PLCE1: variants seen among roughly 807,000 people sequenced by gnomAD.
The protein encoded by PLCE1 is 1-phosphatidylinositol 4,5-bisphosphate phosphodiesterase epsilon-1.
In PLCE1, 119 loss-of-function variants were observed where a neutral mutation model predicts 242.8. That is an observed-to-expected ratio of 0.49 (90% CI 0.42 to 0.57). The LOEUF (loss-of-function observed/expected upper bound fraction) is 0.57. Ranked by LOEUF, PLCE1 falls within the 20% of genes least tolerant of loss-of-function variation. The pLI is 0.00. For synonymous variants in PLCE1, 945 were observed against 1,017.4 expected (o/e 0.93, Z 1.35); for missense variants, 2,441 against 2,788.8 (o/e 0.88, Z 2.81).
rs71031568 is a variant in PLCE1, at chr10:94,297,590, TAAAAAAAAA to T, written c.5168-760_5168-752del. Among the ~76,000 whole-genome samples, 65 of 56,570 alleles carry T rather than the reference TAAAAAAAAA, an allele frequency of 1.1e-3. 1 individual carries two copies. Among genetic ancestry groups the T allele is most frequent in the South Asian group, 6.2e-3 (6 of 962 alleles). The allele number at this position is 56,570 out of a possible 152,430, so 37.1% of individuals were successfully genotyped here. On this transcript the variant is annotated intron_variant, in intron 23 of 32. Transcript: ENST00000371380. ...AGGCCTGCCCCAAACTTTAAATTTG[TAAAAAAAAA>T]AAAAAAAAAAAAAAAAAAAAAAAAA...
chr10:94,246,136 G>T lies in PLCE1; in HGVS notation c.2611G>T (p.Asp871Tyr). Residue 871 changes from aspartate (D) to tyrosine (Y), a missense_variant, in exon 8 of 33, where the codon GAC becomes TAC. By Grantham distance (160) the Asp-to-Tyr change is radical. Around this residue, in one of 5 missense-constraint regions of PLCE1, gnomAD observed 733 missense variants for 754.2 expected, o/e 0.97. Transcript: ENST00000371380. ...GCAGGGGGCCACGGTCATCCACTAC[G>T]ACCAGGACACACACCTCTCTGCCCG... is the stretch of plus-strand genomic sequence containing the variant. ...LLQGATVIHYDQDTHLSARCF... is the reference protein window; with the variant it reads ...LLQGATVIHYYQDTHLSARCF... The T allele has an allele frequency of 6.2e-7, 1 of 1,614,038 alleles. No homozygotes were observed.
chr10:94,068,882 A>G (rs904278618), intron 2 of PLCE1, among the ~76,000 whole-genome samples: 2 of 152,206 alleles, frequency 1.3e-5, no homozygotes, highest in Non-Finnish European at 2.9e-5. Context: ...TTACATGCCT[A>G]TCTTCCTCTA....
rs1045456355 is a variant in PLCE1, at chr10:93,994,164, G to A, written c.-459G>A. ...TCTGCAGCTGACACACAGTAGCGGG[G>A]ACACCCGACGCCGCTAGCGACAGGC... On this transcript the variant is annotated 5_prime_UTR_variant, in exon 1 of 33. Transcript: ENST00000371380. Among the ~76,000 whole-genome samples the A allele has an allele frequency of 8.5e-5, 13 of 152,172 alleles. No individual in the cohort carries two copies. The highest frequency in any genetic ancestry group is 1.9e-4 in the Non-Finnish European group (13 of 68,018).
chr10:94,015,948 G>C (rs1385881496), intron 1 of PLCE1, among the ~76,000 whole-genome samples: 2 of 152,198 alleles, frequency 1.3e-5, no homozygotes. Flanking sequence ...CACATAGTGG[G>C]TGTTAAAAAT....
At chr10:94,304,438 A>G (rs762596291) in intron 24 of PLCE1, 44 bp from the exon 25 acceptor site, 3 of 1,570,764 alleles carry the variant, frequency 1.9e-6, no homozygotes, top group South Asian at 2.2e-5. Context: ...CTTAAGCGAC[A>G]AAGTAACAAG....
At chr10:94,272,971 C>T (rs543577519) in intron 18 of PLCE1, among the ~76,000 whole-genome samples, 71 of 152,090 alleles carry the variant, frequency 4.7e-4, no homozygotes, top group Admixed American at 3.4e-3. Flanking sequence ...GAGGCTGAGG[C>T]GGGTGGATCG....
intron 17 of PLCE1, 96 bp from the exon 18 acceptor site, chr10:94,270,390 G>A: frequency 1.2e-6 from 1 of 843,908 alleles, no homozygotes; most frequent in South Asian, 1.3e-5. Context: ...TCTGCTGCAT[G>A]TAACAATTGA....
intron 3 of PLCE1, among the ~76,000 whole-genome samples, chr10:94,146,413 C>T (rs909743192): frequency 6.6e-5 from 10 of 152,236 alleles, no homozygotes; most frequent in South Asian, 4.2e-4. Flanking sequence ...AAAAATCTCC[C>T]GCCTCGTGCC....
At chr10:94,097,314 G>C (rs2045351441) in intron 2 of PLCE1, among the ~76,000 whole-genome samples, 1 of 152,172 alleles carries the variant, frequency 6.6e-6, no homozygotes, top group Non-Finnish European at 1.5e-5. Context: ...GAGGTATGCT[G>C]TGTTGAAAAG....
intron 28 of PLCE1, among the ~76,000 whole-genome samples, chr10:94,316,037 C>A (rs2053562090): frequency 1.3e-5 from 2 of 152,080 alleles, no homozygotes; most frequent in African/African-American, 4.8e-5. Flanking sequence ...ACAGGGTCAG[C>A]AGCCAACAAA....
chr10:94,138,423 A>C (rs1306963884), intron 3 of PLCE1: 1 of 413,478 alleles, frequency 2.4e-6, no homozygotes, highest in African/African-American at 2.1e-5. Flanking sequence ...GGCAAGTATT[A>C]TGCTATTAAC....
intron 2 of PLCE1, among the ~76,000 whole-genome samples, chr10:94,119,267 T>G (rs1280060632): frequency 6.6e-6 from 1 of 152,178 alleles, no homozygotes; most frequent in African/African-American, 2.4e-5. Flanking sequence ...GAGAAGAGGC[T>G]GTGTCTTGTT....
At chr10:93,999,259 C>T (rs1168050553) in intron 1 of PLCE1, among the ~76,000 whole-genome samples, 1 of 152,178 alleles carries the variant, frequency 6.6e-6, no homozygotes, top group Non-Finnish European at 1.5e-5. Flanking sequence ...TAGGTACTAA[C>T]TTGTTTAATC....
intron 4 of PLCE1, among the ~76,000 whole-genome samples, chr10:94,210,241 AT>A (rs1166866996): frequency 2.0e-5 from 3 of 151,692 alleles, no homozygotes; most frequent in Non-Finnish European, 4.4e-5. Flanking sequence ...TCCCAAGTAA[AT>A]ATTTCTTGAA....
Position 94,283,871 on chromosome 10 carries a change from G to A in PLCE1, c.4877G>A (p.Arg1626Lys), listed in dbSNP as rs1471766120. 13 of 1,612,190 alleles carry A rather than the reference G, an allele frequency of 8.1e-6. No homozygotes were observed. Among genetic ancestry groups the A allele is most frequent in the Non-Finnish European group, 1.1e-5 (13 of 1,178,702 alleles). The change falls in exon 21 of 33, where the codon AGG (arginine) becomes AAG (lysine). Residue 1626 changes from arginine to lysine, a missense_variant. Physicochemically the swap from Arg to Lys is conservative, Grantham distance 26. Coordinates refer to ENST00000371380, the MANE Select transcript of PLCE1 (RefSeq NM_016341.4). ...GAATATAATGAAGAAATCCCAAAGAGGATAAAGAAAGCAGATAACTCTGCT... is the reference window on the plus strand; with the variant it reads ...GAATATAATGAAGAAATCCCAAAGAAGATAAAGAAAGCAGATAACTCTGCT... ...QFEYNEEIPK[R>K]IKKADNSACN...
chr10:94,095,993 T>G (rs967873459), intron 2 of PLCE1, among the ~76,000 whole-genome samples: 2 of 152,176 alleles, frequency 1.3e-5, no homozygotes, highest in Non-Finnish European at 1.5e-5. Flanking sequence ...GGCTGTCATC[T>G]TCAGCTGTTA....
chr10:94,109,550 G>A (rs554336150), intron 2 of PLCE1, among the ~76,000 whole-genome samples: 1 of 152,316 alleles, frequency 6.6e-6, no homozygotes, highest in South Asian at 2.1e-4. Context: ...AGAGGTTGCA[G>A]TGAGCCAAGA....
intron 2 of PLCE1, among the ~76,000 whole-genome samples, chr10:94,078,628 G>A (rs2044571368): frequency 1.3e-5 from 2 of 152,058 alleles, no homozygotes. Flanking sequence ...TGGGATGACA[G>A]GCACCCACCA....
intron 1 of PLCE1, among the ~76,000 whole-genome samples, chr10:94,028,137 T>G (rs556877192): frequency 2.0e-5 from 3 of 152,330 alleles, no homozygotes; most frequent in South Asian, 4.1e-4. Flanking sequence ...TCTATCACTG[T>G]GTAGCATATT....
Sources: allele counts gnomAD v4.1 joint callset (sites outside exome capture counted in the v4.1 genomes callset), GRCh38; gene constraint gnomAD v4.1.1; regional missense constraint gnomAD v4.1.1; transcripts MANE v1.5; gene names NCBI Gene and HGNC (gene_info 2026-07-23, HGNC 2026-07-21).